Variants in ERBB4 observed in about 807,000 individuals in gnomAD.
The protein encoded by ERBB4 is receptor tyrosine-protein kinase erbB-4.
Under a neutral mutation model 158.0 loss-of-function variants are expected in ERBB4, and 42 were observed. The observed-to-expected ratio is 0.27, with a 90% CI of 0.21 to 0.34. The LOEUF is 0.34. Ranked by LOEUF, ERBB4 falls within the 10% of genes least tolerant of loss-of-function variation. The pLI is 1.00. For missense variants in ERBB4, 1,333 were observed against 1,624.1 expected, an observed-to-expected ratio of 0.82 and a Z score of 3.08; for synonymous variants, 583 against 558.7, an observed-to-expected ratio of 1.04 and a Z score of -0.61.
chr2:212,194,851 G>A (rs893791912), intron 1 of ERBB4, among the ~76,000 whole-genome samples: 4 of 151,954 alleles, frequency 2.6e-5, no homozygotes, highest in Non-Finnish European at 5.9e-5. Flanking sequence ...TAAGCCACAT[G>A]GAAGATAAAA....
At chr2:211,712,941 A>C (rs561441806) in intron 8 of ERBB4, among the ~76,000 whole-genome samples, 1 of 152,078 alleles carries the variant, frequency 6.6e-6, no homozygotes, top group East Asian at 1.9e-4. Flanking sequence ...CTTTATTTTC[A>C]TCTTGCTTAA....
At chr2:211,927,663 G>C (rs2080054222) in intron 3 of ERBB4, among the ~76,000 whole-genome samples, 1 of 151,754 alleles carries the variant, frequency 6.6e-6, no homozygotes, top group African/African-American at 2.4e-5. Context: ...TGTAGAGTGA[G>C]GAAGATAAAA....
At chr2:211,889,272 C>A (rs1344129291) in intron 3 of ERBB4, among the ~76,000 whole-genome samples, 1 of 144,026 alleles carries the variant, frequency 6.9e-6, no homozygotes. Flanking sequence ...CTGGGAGGCA[C>A]CCCCCAGCCG....
chr2:212,460,612 G>C (rs976797520), intron 1 of ERBB4, among the ~76,000 whole-genome samples: 1 of 152,058 alleles, frequency 6.6e-6, no homozygotes, highest in Non-Finnish European at 1.5e-5. Flanking sequence ...GATGATTTAG[G>C]GTATCTGGTG....
At chr2:211,858,052 A>T (rs904366456) in intron 3 of ERBB4, among the ~76,000 whole-genome samples, 1 of 152,206 alleles carries the variant, frequency 6.6e-6, no homozygotes, top group African/African-American at 2.4e-5. Flanking sequence ...TCGATGTAAC[A>T]CACACATTTA....
chr2:211,651,512 G>T (rs2105883275), intron 16 of ERBB4, among the ~76,000 whole-genome samples: 1 of 152,242 alleles, frequency 6.6e-6, no homozygotes, highest in African/African-American at 2.4e-5. Flanking sequence ...TGATGTGAAA[G>T]GATTTTGCAG....
intron 5 of ERBB4, among the ~76,000 whole-genome samples, chr2:211,727,307 A>G (rs2074298949): frequency 6.6e-6 from 1 of 152,136 alleles, no homozygotes; most frequent in Admixed American, 6.6e-5. Flanking sequence ...TCATCAACTT[A>G]GATATTTCTA....
chr2:212,160,512 G>C (rs1324533901), intron 1 of ERBB4, among the ~76,000 whole-genome samples: 1 of 151,924 alleles, frequency 6.6e-6, no homozygotes, highest in Non-Finnish European at 1.5e-5. Context: ...GTATATCAGT[G>C]TGAATGAAAA....
intron 20 of ERBB4, among the ~76,000 whole-genome samples, chr2:211,473,147 T>G (rs1285659108): frequency 6.6e-6 from 1 of 151,924 alleles, no homozygotes; most frequent in African/African-American, 2.4e-5. Flanking sequence ...ATTCTCATTA[T>G]AGGAAGGCAA....
At chr2:211,522,908 T>C (rs1344749645) in intron 20 of ERBB4, among the ~76,000 whole-genome samples, 1 of 151,996 alleles carries the variant, frequency 6.6e-6, no homozygotes, top group East Asian at 1.9e-4. Flanking sequence ...TATTACAGCA[T>C]TCACTTTATT....
Position 212,003,063 on chromosome 2 carries a change from AAG to A in ERBB4, c.235-55449_235-55448del, listed in dbSNP as rs148188443. Among the ~76,000 whole-genome samples, 159 of 113,818 alleles carry A rather than the reference AAG, an allele frequency of 1.4e-3. 1 individual carries two copies. The highest frequency in any genetic ancestry group is 1.7e-3 in the Non-Finnish European group (92 of 53,508). The allele number at this position is 113,818 out of a possible 152,430, so 74.7% of individuals were successfully genotyped here. A position where few individuals can be genotyped will look rare whatever the true frequency, so the allele number is the denominator to read the frequency against. On this transcript the variant is annotated intron_variant, in intron 2 of 27. Coordinates refer to ENST00000342788, the MANE Select transcript of ERBB4 (RefSeq NM_005235.3). The stretch of plus-strand genomic sequence containing the variant: ...AGCGAAACTCTGTCTCAAAAGAGAA[AAG>A]AGAGAGAGAGAGAGAGAGAAAGAGA...
chr2:211,597,923 G>T (rs767599915), intron 19 of ERBB4, among the ~76,000 whole-genome samples: 1 of 152,188 alleles, frequency 6.6e-6, no homozygotes, highest in East Asian at 1.9e-4. Context: ...TTTGATAAGA[G>T]AATCTATTTT....
intron 3 of ERBB4, among the ~76,000 whole-genome samples, chr2:211,937,804 G>A (rs1162962647): frequency 6.6e-6 from 1 of 152,040 alleles, no homozygotes; most frequent in Non-Finnish European, 1.5e-5. Context: ...TGGGGATTAC[G>A]GGAACTACAA....
At chr2:212,316,026 T>C (rs2087259119) in intron 1 of ERBB4, among the ~76,000 whole-genome samples, 3 of 151,088 alleles carry the variant, frequency 2.0e-5, no homozygotes, top group Admixed American at 2.0e-4. Context: ...AACAGACAAA[T>C]GAAAAAAAAG....
intron 3 of ERBB4, among the ~76,000 whole-genome samples, chr2:211,877,833 C>T (rs901254131): frequency 3.3e-5 from 5 of 152,104 alleles, no homozygotes; most frequent in African/African-American, 9.7e-5. Flanking sequence ...TCAGGCCAGG[C>T]GAGGTGGTTC....
At chr2:211,883,577 A>G (rs2078719365) in intron 3 of ERBB4, among the ~76,000 whole-genome samples, 1 of 152,140 alleles carries the variant, frequency 6.6e-6, no homozygotes, top group Non-Finnish European at 1.5e-5. Flanking sequence ...CAGGAGTTCT[A>G]GACCAGCCTG....
At chr2:211,981,044 A>G in intron 2 of ERBB4, among the ~76,000 whole-genome samples, 1 of 132,698 alleles carries the variant, frequency 7.5e-6, no homozygotes, top group East Asian at 3.7e-4. Flanking sequence ...AATGTTCTTA[A>G]ACTTCCTATC....
chr2:211,658,649 T>C (rs1002561241), intron 15 of ERBB4, among the ~76,000 whole-genome samples: 1 of 152,140 alleles, frequency 6.6e-6, no homozygotes, highest in Non-Finnish European at 1.5e-5. Context: ...AAAATAGCAA[T>C]GCCATAACAG....
At chr2:211,751,949 A>G (rs1388810986) in intron 4 of ERBB4, among the ~76,000 whole-genome samples, 1 of 152,196 alleles carries the variant, frequency 6.6e-6, no homozygotes, top group Non-Finnish European at 1.5e-5. Context: ...TCTTAAAAGT[A>G]CGGGGATCTT....
Sources: gnomAD v4.1 joint callset for allele counts (sites outside exome capture counted in the v4.1 genomes callset) on GRCh38, gnomAD v4.1.1 for gene constraint, MANE v1.5 for transcripts, NCBI Gene and HGNC (gene_info 2026-07-23, HGNC 2026-07-21) for gene names.